The following TAFA2 variants were observed in gnomAD, a reference collection of about 807,000 sequenced individuals.
TAFA2 encodes the protein TAFA chemokine like family member 2, also known as chemokine-like protein TAFA-2.
A neutral mutation model predicts 18.8 loss-of-function variants in TAFA2; 7 were observed. The ratio of observed to expected loss-of-function variants is 0.37; its 90% CI spans 0.21 to 0.70. The LOEUF (loss-of-function observed/expected upper bound fraction) is 0.70. Among genes scored for constraint, TAFA2 ranks in the 30% least tolerant of loss-of-function variants. The pLI is 0.53. For missense variants in TAFA2, 122 were observed against 158.1 expected (o/e 0.77, Z 1.23); for synonymous variants, 60 against 54.2 (o/e 1.11, Z -0.47).
chr12:61,802,896 T>A (rs1461814796), intron 2 of TAFA2, among the ~76,000 whole-genome samples: 3 of 151,852 alleles, frequency 2.0e-5, no homozygotes, highest in Non-Finnish European at 4.4e-5. Context: ...AAAGAAAAAA[T>A]TACTTAGAAA....
chr12:61,750,234 C>T (rs1868947383), intron 4 of TAFA2, among the ~76,000 whole-genome samples: 1 of 152,000 alleles, frequency 6.6e-6, no homozygotes, highest in African/African-American at 2.4e-5. Context: ...AATCAAAAGG[C>T]TTGAATGACT....
chr12:62,155,372 AC>A (rs1288598615), intron 1 of TAFA2, among the ~76,000 whole-genome samples: 1 of 152,120 alleles, frequency 6.6e-6, no homozygotes, highest in Non-Finnish European at 1.5e-5. Flanking sequence ...GGCCATACTA[AC>A]AAAAGCAATC....
intron 2 of TAFA2, among the ~76,000 whole-genome samples, chr12:61,846,359 A>C (rs776634202): frequency 3.9e-5 from 6 of 152,202 alleles, no homozygotes; most frequent in Non-Finnish European, 8.8e-5. Flanking sequence ...GCAAACAAAG[A>C]GTCAACAGGA....
At chr12:61,738,061 T>C (rs558006393) in intron 4 of TAFA2, among the ~76,000 whole-genome samples, 19 of 152,192 alleles carry the variant, frequency 1.2e-4, no homozygotes, top group African/African-American at 4.3e-4. Context: ...TAATAGGAAT[T>C]ATTGGCCTCT....
At chr12:62,150,972 C>T (rs537030624) in intron 1 of TAFA2, among the ~76,000 whole-genome samples, 3 of 149,310 alleles carry the variant, frequency 2.0e-5, no homozygotes, top group East Asian at 2.0e-4. Flanking sequence ...GAAATAGGCA[C>T]ATCCAAGTGT....
intron 1 of TAFA2, among the ~76,000 whole-genome samples, chr12:62,167,772 G>A (rs898153332): frequency 2.0e-5 from 3 of 152,024 alleles, no homozygotes; most frequent in Non-Finnish European, 4.4e-5. Flanking sequence ...TGGCTTCTTG[G>A]GAAAATCATT....
chr12:62,127,985 C>T (rs1870532482), intron 1 of TAFA2, among the ~76,000 whole-genome samples: 1 of 151,618 alleles, frequency 6.6e-6, no homozygotes, highest in African/African-American at 2.4e-5. Context: ...GTATCAAGAC[C>T]ATCAAGAAAG....
intron 1 of TAFA2, among the ~76,000 whole-genome samples, chr12:62,214,988 C>T (rs1485745576): frequency 1.3e-5 from 2 of 152,118 alleles, no homozygotes; most frequent in African/African-American, 2.4e-5. Flanking sequence ...TACTTACATC[C>T]CTGCACCAAT....
chr12:61,927,069 GAAAAAAAAA>G lies in TAFA2; in HGVS notation c.-1-59652_-1-59644del, dbSNP rs56908081. On this transcript the variant is annotated intron_variant, in intron 1 of 4. Transcript: ENST00000416284. ...CAACCTGGTGACAGAGTGAGACTCT[GAAAAAAAAA>G]AAAAAAAAAAAAAAAATACAGGCAC... 1.6e-4 allele frequency among the ~76,000 whole-genome samples: 11 copies of G among 69,904 alleles called. 1 individual carries two copies. Among genetic ancestry groups the G allele is most frequent in the Admixed American group, 4.0e-4 (2 of 5,004 alleles). The allele number at this position is 69,904 out of a possible 152,430, so 45.9% of individuals were successfully genotyped here.
At chr12:62,119,412 A>G (rs1199833792) in intron 1 of TAFA2, among the ~76,000 whole-genome samples, 1 of 152,236 alleles carries the variant, frequency 6.6e-6, no homozygotes, top group Non-Finnish European at 1.5e-5. Flanking sequence ...TCAACAAGGC[A>G]TATTTAAAAA....
At chr12:62,218,827 T>C (rs1230204183) in intron 1 of TAFA2, among the ~76,000 whole-genome samples, 1 of 152,148 alleles carries the variant, frequency 6.6e-6, no homozygotes, top group Non-Finnish European at 1.5e-5. Context: ...GACATTTAAA[T>C]TGGAATAGTT....
At chr12:61,848,863 A>G (rs58871413) in intron 2 of TAFA2, among the ~76,000 whole-genome samples, 18,160 of 149,736 alleles carry the variant, frequency 0.12, 1,246 homozygotes, top group East Asian at 0.19. Flanking sequence ...TTTTTTTTTA[A>G]TGGAGTCTTG....
At chr12:62,053,007 C>G (rs115648162) in intron 1 of TAFA2, among the ~76,000 whole-genome samples, 32 of 152,236 alleles carry the variant, frequency 2.1e-4, no homozygotes, top group African/African-American at 7.5e-4. Flanking sequence ...GGGTCGTTGT[C>G]GTTTTTATTG....
At chr12:61,890,783 C>T (rs1313374903) in intron 1 of TAFA2, among the ~76,000 whole-genome samples, 1 of 152,186 alleles carries the variant, frequency 6.6e-6, no homozygotes, top group Admixed American at 6.5e-5. Context: ...GGGACAGAGT[C>T]ACCTCCCTCC....
chr12:61,716,960 G>A (rs529453060), intron 4 of TAFA2, among the ~76,000 whole-genome samples: 1 of 152,072 alleles, frequency 6.6e-6, no homozygotes, highest in African/African-American at 2.4e-5. Flanking sequence ...ATTCGATAAA[G>A]GTAAAAGGGG....
At chr12:62,075,865 A>G (rs189273903) in intron 1 of TAFA2, among the ~76,000 whole-genome samples, 3 of 152,314 alleles carry the variant, frequency 2.0e-5, no homozygotes, top group African/African-American at 7.2e-5. Context: ...AACTTCAATT[A>G]TATGGTTTTG....
chr12:61,975,411 T>C (rs191597991), intron 1 of TAFA2, among the ~76,000 whole-genome samples: 5 of 151,824 alleles, frequency 3.3e-5, no homozygotes, highest in African/African-American at 1.2e-4. Context: ...GTATTTTACT[T>C]TCTGTGTTCT....
chr12:62,112,817 T>C (rs1241375588), intron 1 of TAFA2, among the ~76,000 whole-genome samples: 4 of 152,118 alleles, frequency 2.6e-5, no homozygotes, highest in Admixed American at 6.6e-5. Context: ...TCATGCTGTG[T>C]TTTTCAGCTC....
intron 1 of TAFA2, among the ~76,000 whole-genome samples, chr12:62,218,610 T>G (rs1381440170): frequency 1.3e-5 from 2 of 152,246 alleles, no homozygotes. Context: ...CTACAATATG[T>G]CAAGCACAGC....
Sources: allele counts gnomAD v4.1 joint callset (sites outside exome capture counted in the v4.1 genomes callset), GRCh38; gene constraint gnomAD v4.1.1; transcripts MANE v1.5; gene names NCBI Gene and HGNC (gene_info 2026-07-23, HGNC 2026-07-21).